The following PDLIM5 variants were observed in gnomAD, a reference collection of about 807,000 sequenced individuals.
The protein encoded by PDLIM5 is PDZ and LIM domain protein 5.
In PDLIM5, 34 loss-of-function variants were observed where a neutral mutation model predicts 64.2. That is an observed-to-expected ratio of 0.53 (90% CI 0.40 to 0.71). PDLIM5 has a LOEUF of 0.71. PDLIM5 is among the 30% of genes least tolerant of loss of function. The pLI is 0.00. For synonymous variants in PDLIM5, 253 were observed against 269.1 expected (o/e 0.94, Z 0.59); for missense variants, 683 against 733.6 (o/e 0.93, Z 0.80).
At chr4:94,486,538 T>C (rs1726354252) in intron 2 of PDLIM5, among the ~76,000 whole-genome samples, 1 of 152,202 alleles carries the variant, frequency 6.6e-6, no homozygotes, top group Non-Finnish European at 1.5e-5. Context: ...TGTGCCAGCC[T>C]AGGAGATTTG....
chr4:94,623,265 G>C, intron 8 of PDLIM5, among the ~76,000 whole-genome samples: 1 of 152,174 alleles, frequency 6.6e-6, no homozygotes, highest in East Asian at 1.9e-4. Context: ...TTCTTCTCCA[G>C]CTTCATTTTA....
intron 2 of PDLIM5, among the ~76,000 whole-genome samples, chr4:94,486,901 G>C (rs1458126709): frequency 1.3e-5 from 2 of 152,128 alleles, no homozygotes; most frequent in Non-Finnish European, 1.5e-5. Context: ...TGCTTTTGAG[G>C]CTGAGGCAGG....
chr4:94,659,756 C>G (rs907881332), intron 11 of PDLIM5, among the ~76,000 whole-genome samples: 1 of 151,698 alleles, frequency 6.6e-6, no homozygotes, highest in African/African-American at 2.4e-5. Flanking sequence ...TCTCGATCTC[C>G]TGACCTCGTG....
rs1560714012 is a variant in PDLIM5 at position 94,575,680 on chromosome 4, CCACAAACAA to C, written c.359_367del (p.Thr120_Asn122del). 6.2e-7 allele frequency: 1 copy of C among 1,612,808 alleles called. No individual in the cohort carries two copies. The highest frequency in any genetic ancestry group is 1.7e-5 in the Admixed American group (1 of 59,978). On this transcript the variant is annotated inframe_deletion, in exon 5 of 13. Coordinates refer to ENST00000317968, the MANE Select transcript of PDLIM5 (RefSeq NM_006457.5). ...TCTCCTGCTGTGTCCAAAGTCACTT[CCACAAACAA>C]CATGGCCTACAATAAGGCACCACGG...
intron 8 of PDLIM5, among the ~76,000 whole-genome samples, chr4:94,622,312 T>A (rs1356396374): frequency 6.6e-6 from 1 of 152,194 alleles, no homozygotes; most frequent in African/African-American, 2.4e-5. Context: ...TAGGTAAATT[T>A]AGTTCATTAG....
At position 94,561,029 on chromosome 4, in the gene PDLIM5, C is replaced by T. The variant is rs112942160; in HGVS notation, c.249-12322C>T. Among the ~76,000 whole-genome samples, 1,446 of 152,220 alleles carry T rather than the reference C, an allele frequency of 9.5e-3. 33 individuals carry two copies. The highest frequency in any genetic ancestry group is 0.032 in the African/African-American group (1,324 of 41,530). On this transcript the variant is annotated intron_variant, in intron 3 of 12. Transcript: ENST00000317968. ...GGCTTGAGCCACCGCGCCCAGCCAA[C>T]TTAGATGATTTTTAAAAAATGTACC... is the stretch of plus-strand genomic sequence containing the variant.
At chr4:94,542,818 T>C (rs1297866284) in intron 3 of PDLIM5, among the ~76,000 whole-genome samples, 1 of 152,264 alleles carries the variant, frequency 6.6e-6, no homozygotes, top group East Asian at 1.9e-4. Flanking sequence ...GCTAAATTAG[T>C]AAAATAAATG....
chr4:94,643,087 T>G (rs142010899), intron 9 of PDLIM5, among the ~76,000 whole-genome samples: 5 of 152,202 alleles, frequency 3.3e-5, no homozygotes, highest in African/African-American at 1.2e-4. Context: ...TTCAGCAGAG[T>G]TGATTGTTTT....
At position 94,513,755 on chromosome 4, in the gene PDLIM5, A is replaced by G. The variant is rs1330793723; in HGVS notation, c.97-9969A>G. Among the ~76,000 whole-genome samples, 7 of 152,272 alleles carry G rather than the reference A, an allele frequency of 4.6e-5. No homozygotes were observed. In the East Asian group the frequency reaches 1.2e-3, roughly 25 times the overall value. ...GATTGTTCTAGCTAGGACTTCCAGT[A>G]CTGTGTTGAGTAAGAGTGATGAAAA... On this transcript the variant is annotated intron_variant, in intron 2 of 12. Coordinates refer to ENST00000317968, the MANE Select transcript of PDLIM5 (RefSeq NM_006457.5).
intron 2 of PDLIM5, among the ~76,000 whole-genome samples, chr4:94,502,182 G>A (rs75075000): frequency 0.012 from 1,781 of 152,176 alleles, 40 homozygotes; most frequent in African/African-American, 0.04. Context: ...GGAAATAGCT[G>A]TGTTTCTCCT....
chr4:94,567,087 G>A (rs983338274), intron 3 of PDLIM5, among the ~76,000 whole-genome samples: 6 of 152,258 alleles, frequency 3.9e-5, no homozygotes, highest in East Asian at 1.9e-4. Flanking sequence ...TCCGCCTCCC[G>A]GTTCACGCTG....
intron 2 of PDLIM5, among the ~76,000 whole-genome samples, chr4:94,494,679 A>G (rs1240671231): frequency 6.6e-6 from 1 of 150,680 alleles, no homozygotes; most frequent in Admixed American, 6.6e-5. Flanking sequence ...ACCTCAAGTG[A>G]TCCACCTGCT....
At chr4:94,461,035 G>A (rs1723831930) in intron 2 of PDLIM5, among the ~76,000 whole-genome samples, 2 of 152,186 alleles carry the variant, frequency 1.3e-5, no homozygotes, top group South Asian at 4.1e-4. Flanking sequence ...CCTGTTAGCA[G>A]TAGTTCTTAC....
intron 11 of PDLIM5, among the ~76,000 whole-genome samples, chr4:94,660,000 G>T (rs540966604): frequency 6.6e-6 from 1 of 150,640 alleles, no homozygotes; most frequent in East Asian, 2.0e-4. Context: ...GGGTTCAGGC[G>T]ATTCTTCTGC....
chr4:94,654,485 A>G lies in PDLIM5; in HGVS notation c.1309A>G (p.Lys437Glu). ...AGGACCATTCTTAGTGGCACTGGGG[A>G]AATCTTGGCACCCAGAAGAATTCAA... is the stretch of plus-strand genomic sequence containing the variant. ...IRGPFLVALG[K>E]SWHPEEFNCA... The change falls in exon 10 of 13, where the codon AAA becomes GAA. Residue 437 changes from lysine (K) to glutamate (E), a missense_variant. Physicochemically the swap from Lys to Glu is moderately conservative, Grantham distance 56. Transcript: ENST00000317968. 1 of 1,611,970 alleles carries G rather than the reference A, an allele frequency of 6.2e-7. No individual in the cohort carries two copies. Among genetic ancestry groups the G allele is most frequent in the Non-Finnish European group, 8.5e-7 (1 of 1,178,116 alleles).
Position 94,665,545 on chromosome 4 carries a change from A to G in PDLIM5, c.*1478A>G. The G allele has an allele frequency of 1.1e-6, 1 of 910,636 alleles. No individual in the cohort carries two copies. The highest frequency in any genetic ancestry group is 1.3e-6 in the Non-Finnish European group (1 of 767,658). The allele number at this position is 910,636 out of a possible 1,614,324, so 56.4% of individuals were successfully genotyped here. A position where few individuals can be genotyped will look rare whatever the true frequency, so the allele number is the denominator to read the frequency against. On this transcript the variant is annotated 3_prime_UTR_variant, in exon 13 of 13. Transcript: ENST00000317968. The stretch of plus-strand genomic sequence containing the variant: ...TAAATAGAAAAGAATGTGGCTGGGA[A>G]TTGTGAATCAGAAGATTATACCCCC...
At chr4:94,574,597 T>C (rs1200543169) in intron 4 of PDLIM5, among the ~76,000 whole-genome samples, 3 of 152,108 alleles carry the variant, frequency 2.0e-5, no homozygotes, top group Non-Finnish European at 4.4e-5. Flanking sequence ...TTTGATTTTT[T>C]CTTTTGATAT....
Position 94,664,436 on chromosome 4 carries a change from C to T in PDLIM5, c.*369C>T. The T allele has an allele frequency of 1.3e-6, 1 of 796,798 alleles. No homozygotes were observed. Among genetic ancestry groups the T allele is most frequent in the Non-Finnish European group, 1.5e-6 (1 of 657,966 alleles). 49.4% of individuals were successfully genotyped at this position (796,798 alleles called of 1,614,324 possible). On this transcript the variant is annotated 3_prime_UTR_variant, in exon 13 of 13. Transcript: ENST00000317968. ...CCTTGTTAGGTAGTTATGAGTAAAT[C>T]TGCAAAAGGCAATGAAAATGCCTTA...
At chr4:94,573,258 G>A in intron 3 of PDLIM5, 93 bp from the exon 4 acceptor site, 1 of 876,604 alleles carries the variant, frequency 1.1e-6, no homozygotes, top group Non-Finnish European at 1.8e-6. Context: ...GTATATTAAG[G>A]CTATATTATA....
Sources: allele counts gnomAD v4.1 joint callset (sites outside exome capture counted in the v4.1 genomes callset), GRCh38; gene constraint gnomAD v4.1.1; transcripts MANE v1.5; gene names NCBI Gene and HGNC (gene_info 2026-07-23, HGNC 2026-07-21).